CCDC181: variants seen among roughly 807,000 people sequenced by gnomAD.
The protein encoded by CCDC181 is coiled-coil domain containing 181.
In CCDC181, 35 loss-of-function variants were observed where a neutral mutation model predicts 58.7. The ratio of observed to expected loss-of-function variants is 0.60; its 90% CI spans 0.46 to 0.79. The LOEUF (loss-of-function observed/expected upper bound fraction) is 0.79. Ranked by LOEUF, CCDC181 falls within the 30% of genes least tolerant of loss-of-function variation. The pLI, the probability that CCDC181 is intolerant of heterozygous loss-of-function variation, is 0.00. For synonymous variants in CCDC181, 183 were observed against 197.5 expected, an observed-to-expected ratio of 0.93 and a Z score of 0.62; for missense variants, 517 against 583.9, an observed-to-expected ratio of 0.89 and a Z score of 1.18.
chr1:169,456,699 T>TAC (rs1445831813), intron 2 of CCDC181, among the ~76,000 whole-genome samples: 3 of 152,200 alleles, frequency 2.0e-5, no homozygotes, highest in Non-Finnish European at 4.4e-5. Flanking sequence ...CTGAACTCTG[T>TAC]AGAGTTCCCA....
At chr1:169,407,586 C>A (rs983235481) in intron 4 of CCDC181, among the ~76,000 whole-genome samples, 6 of 152,162 alleles carry the variant, frequency 3.9e-5, no homozygotes, top group Admixed American at 1.3e-4. Context: ...ATCAAGATGA[C>A]AGATTTAAAA....
intron 2 of CCDC181, among the ~76,000 whole-genome samples, chr1:169,456,729 C>CGTG (rs1657684828): frequency 6.6e-6 from 1 of 152,162 alleles, no homozygotes; most frequent in South Asian, 2.1e-4. Flanking sequence ...AGGCTTTCAC[C>CGTG]ACATGCAGTC....
At chr1:169,457,555 A>G (rs941607781) in intron 2 of CCDC181, among the ~76,000 whole-genome samples, 5 of 152,152 alleles carry the variant, frequency 3.3e-5, no homozygotes, top group Non-Finnish European at 5.9e-5. Context: ...ACAAGAGTTA[A>G]GTTCCTATAG....
At chr1:169,446,054 G>C (rs1439137259) in intron 2 of CCDC181, among the ~76,000 whole-genome samples, 2 of 151,978 alleles carry the variant, frequency 1.3e-5, no homozygotes, top group African/African-American at 4.8e-5. Context: ...CCAGCTGTTT[G>C]GTGTCATTGA....
intron 2 of CCDC181, among the ~76,000 whole-genome samples, chr1:169,449,755 C>T (rs559237269): frequency 2.6e-5 from 4 of 152,328 alleles, no homozygotes; most frequent in East Asian, 1.9e-4. Flanking sequence ...CCTTCTTCTG[C>T]CTGCTTTTAT....
At chr1:169,413,887 G>A (rs1308027134) in intron 4 of CCDC181, among the ~76,000 whole-genome samples, 3 of 151,708 alleles carry the variant, frequency 2.0e-5, no homozygotes, top group South Asian at 4.2e-4. Context: ...GGGGCTAGGG[G>A]AGGGATAGCA....
upstream of CCDC181, among the ~76,000 whole-genome samples, chr1:169,429,576 C>T (rs1571502746): frequency 6.6e-6 from 1 of 152,034 alleles, no homozygotes; most frequent in Middle Eastern, 3.4e-3. Context: ...ATTTTTTCAT[C>T]TCTTTATTGG....
At chr1:169,425,143 TA>T (rs1656660138) in intron 1 of CCDC181, among the ~76,000 whole-genome samples, 193 bp from the exon 2 acceptor site, 1 of 152,014 alleles carries the variant, frequency 6.6e-6, no homozygotes, top group African/African-American at 2.4e-5. Context: ...TAAACATTCC[TA>T]AAAACTCTCC....
upstream of CCDC181, among the ~76,000 whole-genome samples, chr1:169,430,680 C>A (rs1571503470): frequency 7.0e-6 from 1 of 143,324 alleles, no homozygotes; most frequent in South Asian, 2.2e-4. Flanking sequence ...AAAAAAAAAA[C>A]ACACAAATAA....
intron 4 of CCDC181, among the ~76,000 whole-genome samples, chr1:169,413,985 T>G (rs999048196): frequency 1.3e-5 from 2 of 151,598 alleles, no homozygotes; most frequent in Admixed American, 6.6e-5. Context: ...AACCTGCACT[T>G]TCTGCACACG....
chr1:169,394,975 G>A lies in CCDC181; in HGVS notation c.*72C>T. On this transcript the variant is annotated 3_prime_UTR_variant, in exon 6 of 6. Transcript: ENST00000367806. The stretch of plus-strand genomic sequence containing the variant: ...TTCCATAATTTAGAATACAACCAAA[G>A]TACACAGACCCTAAGAAATCATATC... 7.5e-7 allele frequency: 1 copy of A among 1,328,274 alleles called. No individual in the cohort carries two copies. Among genetic ancestry groups the A allele is most frequent in the Non-Finnish European group, 1.0e-6 (1 of 980,906 alleles). The allele number at this position is 1,328,274 out of a possible 1,614,324, so 82.3% of individuals were successfully genotyped here.
chr1:169,444,024 A>G (rs1657305851), intron 2 of CCDC181, among the ~76,000 whole-genome samples: 1 of 152,198 alleles, frequency 6.6e-6, no homozygotes, highest in South Asian at 2.1e-4. Context: ...TTATTCTCAA[A>G]CAGATCTGAG....
At chr1:169,452,804 A>G (rs1394186196) in intron 2 of CCDC181, 1 of 151,994 alleles carries the variant, frequency 6.6e-6, no homozygotes, top group Non-Finnish European at 1.5e-5. Context: ...TTTTGTTTTA[A>G]TTTTGAACAA....
chr1:169,426,913 C>T lies in CCDC181; in HGVS notation c.-24+375G>A, dbSNP rs113741550. Reference sequence around the variant, plus strand: ...AATCTGTATTCAGGATCCCAAGGTACCACCAACGAAATGAATACCATTGCC... The same window carrying T: ...AATCTGTATTCAGGATCCCAAGGTATCACCAACGAAATGAATACCATTGCC... On this transcript the variant is annotated intron_variant, in intron 1 of 5. Transcript: ENST00000367806. Among the ~76,000 whole-genome samples, 307 of 152,256 alleles carry T rather than the reference C, an allele frequency of 2.0e-3. 2 individuals are homozygous for T. Among genetic ancestry groups the T allele is most frequent in the African/African-American group, 7.0e-3 (291 of 41,538 alleles).
At chr1:169,414,366 T>A (rs1656121431) in intron 4 of CCDC181, among the ~76,000 whole-genome samples, 1 of 152,170 alleles carries the variant, frequency 6.6e-6, no homozygotes, top group South Asian at 2.1e-4. Flanking sequence ...GGCACAATGA[T>A]AGATGAAATT....
chr1:169,402,668 G>C (rs1286348174), intron 4 of CCDC181, among the ~76,000 whole-genome samples: 5 of 152,132 alleles, frequency 3.3e-5, no homozygotes, highest in Non-Finnish European at 7.3e-5. Flanking sequence ...ACTAAACATG[G>C]AAAGGAACAA....
At chr1:169,403,998 G>A (rs1421439567) in intron 4 of CCDC181, among the ~76,000 whole-genome samples, 1 of 152,176 alleles carries the variant, frequency 6.6e-6, no homozygotes, top group Non-Finnish European at 1.5e-5. Flanking sequence ...CGATCCCACA[G>A]AAATACAAAC....
intron 2 of CCDC181, among the ~76,000 whole-genome samples, chr1:169,447,682 C>T (rs1204442986): frequency 1.3e-5 from 2 of 152,062 alleles, no homozygotes; most frequent in South Asian, 4.1e-4. Context: ...CGTAATTTAA[C>T]CCTTTGTTGT....
intron 2 of CCDC181, among the ~76,000 whole-genome samples, chr1:169,456,054 G>A (rs1445956809): frequency 6.6e-6 from 1 of 152,058 alleles, no homozygotes; most frequent in Non-Finnish European, 1.5e-5. Context: ...ACTTTCTGCA[G>A]GAAAGTTGTC....
Sources: gnomAD v4.1 joint callset for allele counts (sites outside exome capture counted in the v4.1 genomes callset) on GRCh38, gnomAD v4.1.1 for gene constraint, MANE v1.5 for transcripts, NCBI Gene and HGNC (gene_info 2026-07-23, HGNC 2026-07-21) for gene names.